The following RPS16 variants were observed in gnomAD, a reference collection of about 807,000 sequenced individuals.
RPS16 encodes the protein ribosomal protein S16, also known as small ribosomal subunit protein uS9.
In RPS16, 2 loss-of-function variants were observed where a neutral mutation model predicts 20.1. The observed-to-expected ratio is 0.10, with a 90% CI of 0.04 to 0.31. The LOEUF is 0.31. Ranked by LOEUF, RPS16 falls within the 10% of genes least tolerant of loss-of-function variation. The probability of loss-of-function intolerance (pLI) is 1.00; values close to 1 mark genes in which losing one functional copy is unlikely to be tolerated. For synonymous variants in RPS16, 95 were observed against 76.1 expected (o/e 1.25, Z -1.29); for missense variants, 129 against 198.6 (o/e 0.65, Z 2.11).
chr19:39,433,333 G>A lies in RPS16; in HGVS notation c.381C>T (p.Cys127=), dbSNP rs562695514. 60 of 1,613,904 alleles carry A rather than the reference G, an allele frequency of 3.7e-5. No homozygotes were observed. The highest frequency in any genetic ancestry group is 4.4e-5 in the Non-Finnish European group (52 of 1,180,004). ...RTLLVADPRR[C]ESKKFGGPGA... is the part of the protein sequence containing the mutation. ...CAGGGCCTCCAAACTTTTTGGACTC[G>A]CAGCGACGAGGGTCAGCTACCAGCA... is the stretch of plus-strand genomic sequence containing the variant. The change falls in exon 5 of 5, where the codon TGC becomes TGT. Residue 127 remains cysteine, a synonymous_variant. Coordinates refer to ENST00000251453, the MANE Select transcript of RPS16 (RefSeq NM_001020.6).
At chr19:39,433,629 G>A in intron 3 of RPS16, 36 bp downstream of exon 3, 2 of 1,614,216 alleles carry the variant, frequency 1.2e-6, no homozygotes, top group East Asian at 4.5e-5. Context: ...CCCTCCCAGA[G>A]CCACCTCCTC....
At position 39,433,672 on chromosome 19, in the gene RPS16, C is replaced by G. The variant is rs773111675; in HGVS notation, c.240G>C (p.Gln80His). Residue 80 changes from glutamine (Q) to histidine (H), a missense_variant, in exon 3 of 5, where the codon CAG becomes CAC. Gln to His is a conservative substitution (Grantham distance 24). Coordinates refer to ENST00000251453, the MANE Select transcript of RPS16 (RefSeq NM_001020.6). ...CCAGTTCCTGGGACTCACCATAAAT[C>G]TGGGCCACGTGACCACCACCCTTTA... ...VRVKGGGHVAQIYAIRQSISK... is the reference protein window; with the variant it reads ...VRVKGGGHVAHIYAIRQSISK... 4 of 1,614,240 alleles carry G rather than the reference C, an allele frequency of 2.5e-6. No individual in the cohort carries two copies. The highest frequency in any genetic ancestry group is 3.4e-6 in the Non-Finnish European group (4 of 1,180,046).
At chr19:39,434,109 C>T (rs1007361447) in intron 2 of RPS16, 16 of 315,990 alleles carry the variant, frequency 5.1e-5, no homozygotes, top group African/African-American at 3.4e-4. Context: ...CTGAAACTCC[C>T]AAGGCTGTTT....
intron 2 of RPS16, chr19:39,433,969 G>A: frequency 3.6e-6 from 2 of 562,452 alleles, no homozygotes; most frequent in Non-Finnish European, 6.4e-6. Context: ...GTGGTGTTAA[G>A]AAATATAGGC....
chr19:39,435,770 C>G lies in RPS16; in HGVS notation c.49-62G>C. ...CCGGCTCCAGCTCCCATGTTACCCC[C>G]TAGATTCCTGCCCACCGACCTCTCC... On this transcript the variant is annotated intron_variant, in intron 1 of 4. Coordinates refer to ENST00000251453, the MANE Select transcript of RPS16 (RefSeq NM_001020.6). 4 of 1,606,730 alleles carry G rather than the reference C, an allele frequency of 2.5e-6. No homozygotes were observed. In the South Asian group the frequency reaches 4.4e-5, roughly 18 times the overall value.
Position 39,433,168 on chromosome 19 carries a change from G to C in RPS16, c.*105C>G. 8.1e-7 allele frequency: 1 copy of C among 1,232,766 alleles called. No individual in the cohort carries two copies. Among genetic ancestry groups the C allele is most frequent in the East Asian group, 2.3e-5 (1 of 42,948 alleles). 76.4% of individuals were successfully genotyped at this position (1,232,766 alleles called of 1,614,324 possible). Reference sequence around the variant, plus strand: ...CCAGGATGTTTACTGATTTCTGTCTGGTTAAACATCCAATACCAACACATA... The same window carrying C: ...CCAGGATGTTTACTGATTTCTGTCTCGTTAAACATCCAATACCAACACATA... On this transcript the variant is annotated 3_prime_UTR_variant, in exon 5 of 5. Coordinates refer to ENST00000251453, the MANE Select transcript of RPS16 (RefSeq NM_001020.6).
chr19:39,435,409 C>A, intron 2 of RPS16, 198 bp downstream of exon 2: 1 of 578,800 alleles, frequency 1.7e-6, no homozygotes, highest in Non-Finnish European at 3.1e-6. Flanking sequence ...AACCCTTAAT[C>A]TTCAACAACC....
chr19:39,435,431 T>TAATC (rs2078855669), intron 2 of RPS16, 176 bp downstream of exon 2: 1 of 589,790 alleles, frequency 1.7e-6, no homozygotes, highest in African/African-American at 1.9e-5. Flanking sequence ...CATCTCAGCT[T>TAATC]TTACATCTTC....
chr19:39,433,820 C>T lies in RPS16; in HGVS notation c.151-59G>A, dbSNP rs941237762. The T allele has an allele frequency of 5.2e-6, 8 of 1,530,824 alleles. No homozygotes were observed. In the African/African-American group the frequency reaches 1.1e-4, roughly 21 times the overall value. The allele number at this position is 1,530,824 out of a possible 1,614,324, so 94.8% of individuals were successfully genotyped here. On this transcript the variant is annotated intron_variant, in intron 2 of 4. Transcript: ENST00000251453. ...TACATGCTGGGCAGCTTAGCCATCTCACTGGGCTTCTTGTTTCTGTGGCTT... is the reference window on the plus strand; with the variant it reads ...TACATGCTGGGCAGCTTAGCCATCTTACTGGGCTTCTTGTTTCTGTGGCTT...
chr19:39,435,562 C>T (rs1469440300), intron 2 of RPS16, 45 bp downstream of exon 2: 13 of 1,523,918 alleles, frequency 8.5e-6, no homozygotes, highest in African/African-American at 1.4e-5. Context: ...ATCTCTGTCT[C>T]CAAGAGTCCT....
intron 4 of RPS16, 28 bp downstream of exon 4, chr19:39,433,494 C>T (rs1388906605): frequency 6.2e-7 from 1 of 1,613,290 alleles, no homozygotes; most frequent in Non-Finnish European, 8.5e-7. Context: ...ACCCATCTAC[C>T]TCATGGGAAG....
At chr19:39,434,808 T>C (rs946018083) in intron 2 of RPS16, 1 of 152,242 alleles carries the variant, frequency 6.6e-6, no homozygotes, top group Admixed American at 6.5e-5. Context: ...AGCAAGATAC[T>C]GTTTTTAAAA....
intron 2 of RPS16, chr19:39,435,306 AT>A (rs1568409185): frequency 6.1e-6 from 2 of 329,618 alleles, no homozygotes; most frequent in African/African-American, 8.3e-5. Context: ...CTCAAAACAA[AT>A]AAATAAAATA....
intron 2 of RPS16, chr19:39,434,416 A>C (rs74712803): frequency 6.5e-6 from 1 of 154,710 alleles, no homozygotes; most frequent in African/African-American, 2.4e-5. Flanking sequence ...CAAGACCTTA[A>C]GTCATCTGGA....
Position 39,433,738 on chromosome 19 carries a change from G to T in RPS16, c.174C>A (p.Leu58=). 6.2e-7 allele frequency: 1 copy of T among 1,614,128 alleles called. No homozygotes were observed. Among genetic ancestry groups the T allele is most frequent in the East Asian group, 2.2e-5 (1 of 44,892 alleles). Residue 58 remains leucine (L), a synonymous_variant, in exon 3 of 5, where the codon CTC becomes CTA. Coordinates refer to ENST00000251453, the MANE Select transcript of RPS16 (RefSeq NM_001020.6). ...CTACACCAGCAAATCGCTCCTTGCC[G>T]AGAAGCAGAACTGGCTCCAGCAGCT... ...QYKLLEPVLL[L]GKERFAGVDI...
rs755646812 is a variant in RPS16 at position 39,435,916 on chromosome 19, C to G, written c.-21G>C. 20 of 1,603,334 alleles carry G rather than the reference C, an allele frequency of 1.2e-5. No homozygotes were observed. Among genetic ancestry groups the G allele is most frequent in the Non-Finnish European group, 1.7e-5 (20 of 1,179,916 alleles). On this transcript the variant is annotated 5_prime_UTR_variant, in exon 1 of 5. Transcript: ENST00000251453. ...GGCATGGCTCCGAGCGTGGACTAGA[C>G]AACCTCACCGCGCGGCGCCGCAACC...
Position 39,435,887 on chromosome 19 carries a change from G to C in RPS16, c.9C>G (p.Ser3=), listed in dbSNP as rs765196033. 6.2e-6 allele frequency: 10 copies of C among 1,606,246 alleles called. No individual in the cohort carries two copies. The highest frequency in any genetic ancestry group is 8.5e-6 in the Non-Finnish European group (10 of 1,179,976). ...CCTGCACAGACTGCAGCGGGCCCTTGGACGGCATGGCTCCGAGCGTGGACT... is the reference window on the plus strand; with the variant it reads ...CCTGCACAGACTGCAGCGGGCCCTTCGACGGCATGGCTCCGAGCGTGGACT... The part of the protein sequence containing the change: MP[S]KGPLQSVQVF... The change falls in exon 1 of 5, where the codon TCC becomes TCG. Residue 3 remains serine, a synonymous_variant. Transcript: ENST00000251453.
At chr19:39,434,075 C>G (rs918628141) in intron 2 of RPS16, 1 of 367,000 alleles carries the variant, frequency 2.7e-6, no homozygotes, top group Non-Finnish European at 5.2e-6. Context: ...GAAGGCTGAA[C>G]AGTAAGGAGC....
At chr19:39,434,473 C>T (rs1436143037) in intron 2 of RPS16, 3 of 152,426 alleles carry the variant, frequency 2.0e-5, no homozygotes, top group African/African-American at 7.2e-5. Context: ...CATACAAATC[C>T]TTCAAATACA....
Sources: allele counts gnomAD v4.1 joint callset, GRCh38; gene constraint gnomAD v4.1.1; transcripts MANE v1.5; gene names NCBI Gene and HGNC (gene_info 2026-07-23, HGNC 2026-07-21).